Variants in ABCC1 observed in about 807,000 individuals in gnomAD.
The protein encoded by ABCC1 is ATP binding cassette subfamily C member 1 (ABCC1 blood group), also known as multidrug resistance-associated protein 1.
In ABCC1, 83 loss-of-function variants were observed where a neutral mutation model predicts 172.9. The observed-to-expected ratio is 0.48, with a 90% CI of 0.40 to 0.58. ABCC1 has a LOEUF of 0.58. ABCC1 is among the 20% of genes least tolerant of loss of function. The pLI is 0.00. For synonymous variants in ABCC1, 937 were observed against 825.2 expected (o/e 1.14, Z -2.32); for missense variants, 1,817 against 2,002.7 (o/e 0.91, Z 1.77).
In ABCC1 at chr16:16,072,815, G is replaced by C. The variant is rs530603321; in HGVS notation, c.1912+1086G>C. 2.6e-5 allele frequency among the ~76,000 whole-genome samples: 4 copies of C among 151,900 alleles called. No individual in the cohort carries two copies. The East Asian group carries it at 5.9e-4, about 22-fold the overall frequency. On this transcript the variant is annotated intron_variant, in intron 14 of 30. Coordinates refer to ENST00000399410, the MANE Select transcript of ABCC1 (RefSeq NM_004996.4). ...CCAGCACTTTGGGGAGCTGAGGCAG[G>C]TGGATCACTTGAGGTCAGGAGTTCG...
At chr16:16,023,354 A>G (rs1597132223) in intron 5 of ABCC1, among the ~76,000 whole-genome samples, 1 of 152,222 alleles carries the variant, frequency 6.6e-6, no homozygotes, top group East Asian at 1.9e-4. Context: ...GAAATTGCTG[A>G]TCTCAAGTTA....
Position 16,090,433 on chromosome 16 carries a change from G to A in ABCC1, c.2489G>A (p.Ser830Asn), listed in dbSNP as rs748778740. Residue 830 changes from serine (S) to asparagine (N), a missense_variant, in exon 19 of 31, where the codon AGC becomes AAC. Physicochemically the swap from Ser to Asn is conservative, Grantham distance 46. Coordinates refer to ENST00000399410, the MANE Select transcript of ABCC1 (RefSeq NM_004996.4). ...CGGATCTTGGTCACGCACAGCATGA[G>A]CTACTTGCCGCAGGTGGACGTCATC... The part of the protein sequence containing the change: ...KTRILVTHSM[S>N]YLPQVDVIIV... 1 of 1,610,688 alleles carries A rather than the reference G, an allele frequency of 6.2e-7. No individual in the cohort carries two copies. The highest frequency in any genetic ancestry group is 1.3e-5 in the African/African-American group (1 of 74,920).
chr16:15,998,494 G>T (rs1388346041), intron 1 of ABCC1, among the ~76,000 whole-genome samples: 1 of 152,158 alleles, frequency 6.6e-6, no homozygotes, highest in Non-Finnish European at 1.5e-5. Flanking sequence ...AGGTGATGTG[G>T]GGGTGGATGG....
At chr16:16,087,542 C>T (rs1002717664) in intron 18 of ABCC1, among the ~76,000 whole-genome samples, 3 of 152,158 alleles carry the variant, frequency 2.0e-5, no homozygotes, top group African/African-American at 7.2e-5. Context: ...ACTGCAACCT[C>T]CGCATCTCGG....
chr16:16,076,441 G>C, intron 15 of ABCC1, 40 bp downstream of exon 15: 2 of 1,537,490 alleles, frequency 1.3e-6, no homozygotes, highest in Non-Finnish European at 1.8e-6. Flanking sequence ...TGTGGAGAGA[G>C]CCACAGGGCT....
intron 15 of ABCC1, among the ~76,000 whole-genome samples, chr16:16,077,670 AG>A (rs1270717165): frequency 6.6e-6 from 1 of 152,200 alleles, no homozygotes; most frequent in African/African-American, 2.4e-5. Context: ...GTCACCATGC[AG>A]CAGTGTCATA....
intron 18 of ABCC1, among the ~76,000 whole-genome samples, chr16:16,088,808 T>G (rs907374404): frequency 6.6e-6 from 1 of 152,078 alleles, no homozygotes; most frequent in African/African-American, 2.4e-5. Flanking sequence ...CTCGGCTGAA[T>G]CAATCCTCCT....
chr16:15,949,803 C>A lies in ABCC1; in HGVS notation c.48+4C>A. On this transcript the variant is annotated splice_donor_region_variant and intron_variant, in intron 1 of 30. Coordinates refer to ENST00000399410, the MANE Select transcript of ABCC1 (RefSeq NM_004996.4). ...CGATGGCTCCGACCCGCTCTGGGTACGTGCCGGGGGCCGCGTGAGGCCGGC... is the reference window on the plus strand; with the variant it reads ...CGATGGCTCCGACCCGCTCTGGGTAAGTGCCGGGGGCCGCGTGAGGCCGGC... The A allele has an allele frequency of 8.4e-7, 1 of 1,194,576 alleles. No individual in the cohort carries two copies. Among genetic ancestry groups the A allele is most frequent in the Non-Finnish European group, 1.0e-6 (1 of 963,922 alleles). The allele number at this position is 1,194,576 out of a possible 1,614,324, so 74.0% of individuals were successfully genotyped here. A position where few individuals can be genotyped will look rare whatever the true frequency, so the allele number is the denominator to read the frequency against.
intron 5 of ABCC1, among the ~76,000 whole-genome samples, chr16:16,022,873 T>C (rs544499343): frequency 6.6e-6 from 1 of 152,334 alleles, no homozygotes; most frequent in South Asian, 2.1e-4. Flanking sequence ...TCTGTCTGTC[T>C]AACCAGATAG....
chr16:15,980,725 T>C (rs2046602974), intron 1 of ABCC1, among the ~76,000 whole-genome samples: 1 of 152,096 alleles, frequency 6.6e-6, no homozygotes. Flanking sequence ...CCAAATGATA[T>C]CGTTCTGCCC....
At chr16:16,018,857 A>G (rs1180149163) in intron 5 of ABCC1, among the ~76,000 whole-genome samples, 2 of 152,052 alleles carry the variant, frequency 1.3e-5, no homozygotes, top group Non-Finnish European at 2.9e-5. Flanking sequence ...TAAAGTTCAC[A>G]AAGGCAATGG....
chr16:16,126,078 G>A (rs934741740), intron 26 of ABCC1, among the ~76,000 whole-genome samples, 167 bp downstream of exon 26: 1 of 152,178 alleles, frequency 6.6e-6, no homozygotes, highest in Non-Finnish European at 1.5e-5. Flanking sequence ...TTTAGAGCCC[G>A]GTTTTAGGGT....
chr16:16,009,982 T>A (rs1236073544), intron 3 of ABCC1, 81 bp downstream of exon 3: 16 of 1,240,426 alleles, frequency 1.3e-5, no homozygotes, highest in South Asian at 2.6e-5. Flanking sequence ...AAGACTAGAA[T>A]CATAGTTTTT....
At chr16:16,009,629 C>T (rs1240536854) in intron 2 of ABCC1, 147 bp from the exon 3 acceptor site, 1 of 798,504 alleles carries the variant, frequency 1.3e-6, no homozygotes, top group Non-Finnish European at 1.8e-6. Flanking sequence ...GTCCTTATTC[C>T]AGTGGATATG....
intron 1 of ABCC1, among the ~76,000 whole-genome samples, chr16:15,997,080 A>T (rs1340557415): frequency 1.4e-5 from 2 of 145,720 alleles, no homozygotes; most frequent in Non-Finnish European, 3.0e-5. Flanking sequence ...GCTGGGGAGG[A>T]CATGCGCTTT....
intron 25 of ABCC1, 86 bp downstream of exon 25, chr16:16,125,001 G>A (rs1208363533): frequency 2.5e-6 from 4 of 1,584,248 alleles, no homozygotes; most frequent in Admixed American, 3.4e-5. Context: ...AGCTCCAACA[G>A]GAATGGGGGA....
chr16:16,139,956 G>A (rs2046069334), intron 30 of ABCC1, among the ~76,000 whole-genome samples: 1 of 152,250 alleles, frequency 6.6e-6, no homozygotes, highest in Admixed American at 6.5e-5. Context: ...CTTGACTCCA[G>A]TGTTGCCGTG....
intron 19 of ABCC1, among the ~76,000 whole-genome samples, chr16:16,097,719 C>T (rs1419978894): frequency 6.6e-6 from 1 of 152,210 alleles, no homozygotes; most frequent in Non-Finnish European, 1.5e-5. Flanking sequence ...TGCTTCTTGA[C>T]TTGACTATAC....
At position 16,045,817 on chromosome 16, in the gene ABCC1, TC is replaced by T; in HGVS notation, c.1041-18del. The T allele has an allele frequency of 6.2e-7, 1 of 1,612,536 alleles. No individual in the cohort carries two copies. The highest frequency in any genetic ancestry group is 8.5e-7 in the Non-Finnish European group (1 of 1,178,840). On this transcript the variant is annotated intron_variant, in intron 8 of 30. Transcript: ENST00000399410. The stretch of plus-strand genomic sequence containing the variant: ...ACGTGTCACAAGTCATTCCAGGCCC[TC>T]TCTTTGCTCCTTTGCAGGTTGCTCA...
Sources: gnomAD v4.1 joint callset for allele counts (sites outside exome capture counted in the v4.1 genomes callset) on GRCh38, gnomAD v4.1.1 for gene constraint, MANE v1.5 for transcripts, NCBI Gene and HGNC (gene_info 2026-07-23, HGNC 2026-07-21) for gene names.